Variants in SMOC1 observed in about 807,000 individuals in gnomAD.
SMOC1 encodes the protein SPARC-related modular calcium-binding protein 1.
A neutral mutation model predicts 56.3 loss-of-function variants in SMOC1; 22 were observed. The observed-to-expected ratio is 0.39, with a 90% CI of 0.28 to 0.56. The LOEUF (loss-of-function observed/expected upper bound fraction) is 0.56. Ranked by LOEUF, SMOC1 falls within the 20% of genes least tolerant of loss-of-function variation. The pLI is 0.61. For synonymous variants in SMOC1, 193 were observed against 215.0 expected, an observed-to-expected ratio of 0.90 and a Z score of 0.89; for missense variants, 509 against 565.4, an observed-to-expected ratio of 0.90 and a Z score of 1.01.
chr14:69,926,155 C>T (rs1374795984), intron 1 of SMOC1, among the ~76,000 whole-genome samples: 2 of 152,090 alleles, frequency 1.3e-5, no homozygotes, highest in Non-Finnish European at 2.9e-5. Context: ...TATGTCCTCT[C>T]CTGGATGATG....
intron 1 of SMOC1, among the ~76,000 whole-genome samples, chr14:69,950,942 A>G (rs992224569): frequency 6.6e-6 from 1 of 152,232 alleles, no homozygotes; most frequent in African/African-American, 2.4e-5. Context: ...AACTGGGCTC[A>G]GCTGGGTGGT....
intron 1 of SMOC1, among the ~76,000 whole-genome samples, chr14:69,913,988 C>A (rs188449598): frequency 6.6e-6 from 1 of 152,310 alleles, no homozygotes; most frequent in East Asian, 1.9e-4. Flanking sequence ...GAATAAGATC[C>A]TGATCATGTG....
At chr14:69,984,499 C>G (rs1203879621) in intron 5 of SMOC1, among the ~76,000 whole-genome samples, 2 of 152,102 alleles carry the variant, frequency 1.3e-5, no homozygotes, top group Admixed American at 6.6e-5. Flanking sequence ...GGACTCATAT[C>G]TAGAGAATAT....
intron 1 of SMOC1, among the ~76,000 whole-genome samples, chr14:69,917,965 T>TCAACAAAC (rs1258599736): frequency 1.2e-4 from 19 of 152,176 alleles, no homozygotes; most frequent in Admixed American, 1.2e-3. Flanking sequence ...CCTTCCTGCC[T>TCAACAAAC]CTAGTAATGT....
At chr14:69,992,585 A>T (rs1594843470) in intron 6 of SMOC1, 112 bp downstream of exon 6, 1 of 910,562 alleles carries the variant, frequency 1.1e-6, no homozygotes, top group Non-Finnish European at 1.7e-6. Flanking sequence ...TTCTTTTTTA[A>T]TTTCAATTTT....
chr14:70,018,272 G>A lies in SMOC1; in HGVS notation c.1046+4781G>A, dbSNP rs554762120. 2.6e-5 allele frequency among the ~76,000 whole-genome samples: 4 copies of A among 152,286 alleles called. No individual in the cohort carries two copies. The South Asian group carries it at 8.3e-4, about 32-fold the overall frequency. On this transcript the variant is annotated intron_variant, in intron 10 of 11. Coordinates refer to ENST00000361956, the MANE Select transcript of SMOC1 (RefSeq NM_001034852.3). ...AGGGTGATGAGGGCATGGACCGTGG[G>A]AAAGGGATGATTTGCTGAAGCTTTT...
intron 1 of SMOC1, among the ~76,000 whole-genome samples, chr14:69,937,788 G>A (rs1882375919): frequency 6.6e-6 from 1 of 152,162 alleles, no homozygotes; most frequent in Non-Finnish European, 1.5e-5. Flanking sequence ...ATGTGTGCAT[G>A]TATGTGCTTT....
rs73290775 is a variant in SMOC1 at position 70,024,643 on chromosome 14, G to T, written c.1291+1196G>T. Among the ~76,000 whole-genome samples, 1,169 of 152,186 alleles carry T rather than the reference G, an allele frequency of 7.7e-3. 18 individuals are homozygous for T. Among genetic ancestry groups the T allele is most frequent in the African/African-American group, 0.026 (1,099 of 41,512 alleles). On this transcript the variant is annotated intron_variant, in intron 11 of 11. Transcript: ENST00000361956. ...GCAAATGAGGAGTGAAGCTCTGGAG[G>T]CAAGGAAACAGTTTTCAATGAGCTG... is the stretch of plus-strand genomic sequence containing the variant.
At chr14:69,953,613 G>A (rs1883084934) in intron 3 of SMOC1, 81 bp downstream of exon 3, 1 of 1,164,072 alleles carries the variant, frequency 8.6e-7, no homozygotes, top group African/African-American at 1.5e-5. Flanking sequence ...AGGGCTGCTT[G>A]GCGCCTTCAC....
intron 3 of SMOC1, among the ~76,000 whole-genome samples, chr14:69,973,001 G>A (rs1883828772): frequency 6.6e-6 from 1 of 152,204 alleles, no homozygotes; most frequent in East Asian, 1.9e-4. Flanking sequence ...AGGGCCCTGG[G>A]AGTGAGTCAG....
chr14:70,011,093 A>G, intron 8 of SMOC1, 147 bp downstream of exon 8: 2 of 911,670 alleles, frequency 2.2e-6, no homozygotes, highest in Non-Finnish European at 3.4e-6. Context: ...TTCAGGTAGA[A>G]AGACCCTGGG....
intron 1 of SMOC1, among the ~76,000 whole-genome samples, chr14:69,928,870 G>C (rs969301599): frequency 3.2e-4 from 49 of 152,092 alleles, no homozygotes; most frequent in African/African-American, 1.1e-3. Context: ...TTCTACACTT[G>C]TCATAAATTT....
At position 70,023,271 on chromosome 14, in the gene SMOC1, A is replaced by G; in HGVS notation, c.1115A>G (p.Asp372Gly). 6.2e-7 allele frequency: 1 copy of G among 1,614,152 alleles called. No homozygotes were observed. Among genetic ancestry groups the G allele is most frequent in the South Asian group, 1.1e-5 (1 of 91,076 alleles). Residue 372 changes from aspartate (D) to glycine (G), a missense_variant, in exon 11 of 12, where the codon GAC becomes GGC. Physicochemically the swap from Asp to Gly is moderately conservative, Grantham distance 94 (BLOSUM62 -1). This residue lies in a region of SMOC1 where 176 missense variants were observed against 188.1 expected (regional missense o/e 0.94). Coordinates refer to ENST00000361956, the MANE Select transcript of SMOC1 (RefSeq NM_001034852.3). ...RVVHWYFSQL[D>G]SNSSNDINKR... ...GTGCACTGGTATTTCAGCCAGCTGGACAGCAATAGCAGCAACGACATTAAC... is the reference window on the plus strand; with the variant it reads ...GTGCACTGGTATTTCAGCCAGCTGGGCAGCAATAGCAGCAACGACATTAAC...
chr14:70,008,330 T>G (rs7157226), intron 7 of SMOC1, among the ~76,000 whole-genome samples: 67,186 of 151,904 alleles, frequency 0.44, 15,094 homozygotes, highest in Admixed American at 0.5. Flanking sequence ...TGTAAAGACA[T>G]AGTCTTGCTA....
intron 1 of SMOC1, among the ~76,000 whole-genome samples, chr14:69,926,441 C>T (rs1460027415): frequency 6.6e-6 from 1 of 152,208 alleles, no homozygotes; most frequent in Non-Finnish European, 1.5e-5. Flanking sequence ...CGTAAACTTT[C>T]AGAGCTGGGG....
At chr14:69,967,047 A>T (rs1188657170) in intron 3 of SMOC1, among the ~76,000 whole-genome samples, 1 of 152,196 alleles carries the variant, frequency 6.6e-6, no homozygotes, top group Non-Finnish European at 1.5e-5. Flanking sequence ...AGATGTGGTC[A>T]TGAGCAGGCT....
chr14:70,023,578 G>T, intron 11 of SMOC1, 131 bp downstream of exon 11: 1 of 1,319,792 alleles, frequency 7.6e-7, no homozygotes, highest in Non-Finnish European at 1.1e-6. Flanking sequence ...AGTGTGCTAT[G>T]CTTCATGCTA....
chr14:69,983,704 A>G (rs1884262664), intron 5 of SMOC1, among the ~76,000 whole-genome samples: 1 of 152,260 alleles, frequency 6.6e-6, no homozygotes, highest in South Asian at 2.1e-4. Flanking sequence ...ACTGAAGTCC[A>G]GGTGAGAGGG....
intron 1 of SMOC1, among the ~76,000 whole-genome samples, chr14:69,892,029 T>G (rs964529010): frequency 6.6e-6 from 1 of 152,202 alleles, no homozygotes; most frequent in African/African-American, 2.4e-5. Flanking sequence ...CTGAAGATAT[T>G]AATCTGTTTT....
Sources: allele counts gnomAD v4.1 joint callset (sites outside exome capture counted in the v4.1 genomes callset), GRCh38; gene constraint gnomAD v4.1.1; regional missense constraint gnomAD v4.1.1; transcripts MANE v1.5; gene names NCBI Gene and HGNC (gene_info 2026-07-23, HGNC 2026-07-21).